The following STPG2 variants were observed in gnomAD, a reference collection of about 807,000 sequenced individuals.
STPG2 encodes the protein sperm tail PG-rich repeat containing 2.
A neutral mutation model predicts 54.2 loss-of-function variants in STPG2; 56 were observed. The ratio of observed to expected loss-of-function variants is 1.03; its 90% CI spans 0.83 to 1.29. The LOEUF (loss-of-function observed/expected upper bound fraction) is 1.29. Ranked by LOEUF, STPG2 falls within the 50% of genes most tolerant of loss-of-function variation. The pLI, the probability that STPG2 is intolerant of heterozygous loss-of-function variation, is 0.00. For synonymous variants in STPG2, 200 were observed against 181.8 expected, an observed-to-expected ratio of 1.10 and a Z score of -0.81; for missense variants, 596 against 544.9, an observed-to-expected ratio of 1.09 and a Z score of -0.93.
At chr4:97,965,578 C>T (rs1332566925) in intron 7 of STPG2, among the ~76,000 whole-genome samples, 1 of 152,212 alleles carries the variant, frequency 6.6e-6, no homozygotes, top group Non-Finnish European at 1.5e-5. Flanking sequence ...AACTAGGAGA[C>T]ACTTCCCAGA....
rs184377616 is a variant in STPG2 at position 97,989,510 on chromosome 4, T to G, written c.613-8192A>C. Among the ~76,000 whole-genome samples the G allele has an allele frequency of 4.5e-4, 68 of 152,188 alleles. No individual in the cohort carries two copies. The East Asian group carries it at 0.011, about 25-fold the overall frequency. ...GACACAGAAAGATTAATAACAATAA[T>G]TAATAAAATAGAACAATTATAATAA... is the stretch of plus-strand genomic sequence containing the variant. On this transcript the variant is annotated intron_variant, in intron 5 of 10. Transcript: ENST00000295268.
At chr4:97,946,613 C>A (rs1733234122) in intron 7 of STPG2, among the ~76,000 whole-genome samples, 1 of 152,090 alleles carries the variant, frequency 6.6e-6, no homozygotes, top group Non-Finnish European at 1.5e-5. Flanking sequence ...CTAAATGTAG[C>A]TATTCAGTTT....
At chr4:98,024,623 C>A (rs1415970493) in intron 5 of STPG2, among the ~76,000 whole-genome samples, 1 of 152,122 alleles carries the variant, frequency 6.6e-6, no homozygotes, top group African/African-American at 2.4e-5. Flanking sequence ...CAAGAATAAA[C>A]CAAAGTATCT....
At chr4:97,998,867 T>C (rs13110410) in intron 5 of STPG2, among the ~76,000 whole-genome samples, 61,759 of 151,962 alleles carry the variant, frequency 0.41, 12,763 homozygotes, top group African/African-American at 0.47. Context: ...TCCATGCACA[T>C]GTCAGTGGTT....
intron 5 of STPG2, among the ~76,000 whole-genome samples, chr4:98,038,798 G>A (rs1466020566): frequency 6.6e-6 from 1 of 151,896 alleles, no homozygotes; most frequent in East Asian, 1.9e-4. Flanking sequence ...AAAGACATTA[G>A]GACTGGTATC....
At chr4:97,874,957 C>T (rs909774265) in intron 8 of STPG2, among the ~76,000 whole-genome samples, 5 of 151,924 alleles carry the variant, frequency 3.3e-5, no homozygotes, top group African/African-American at 1.2e-4. Context: ...AAATGCCTGT[C>T]ATTTAAGCCA....
At chr4:97,924,194 G>T (rs577663156) in intron 8 of STPG2, among the ~76,000 whole-genome samples, 1 of 152,224 alleles carries the variant, frequency 6.6e-6, no homozygotes, top group Non-Finnish European at 1.5e-5. Context: ...ACATCAGAAG[G>T]AACAAACTCC....
chr4:98,096,765 C>T (rs2865977), intron 5 of STPG2, among the ~76,000 whole-genome samples: 60,166 of 151,812 alleles, frequency 0.4, 12,152 homozygotes, highest in Middle Eastern at 0.46. Context: ...TAAATAAAAT[C>T]AGAGGTAAAA....
intron 1 of STPG2, among the ~76,000 whole-genome samples, chr4:98,136,871 G>A (rs1023520274): frequency 2.0e-5 from 3 of 151,602 alleles, no homozygotes; most frequent in African/African-American, 7.2e-5. Flanking sequence ...TAGCAAATAA[G>A]CCAATAGTGG....
At chr4:97,510,953 G>A (rs1460418485) in intron 4 of STPG2, among the ~76,000 whole-genome samples, 1 of 151,862 alleles carries the variant, frequency 6.6e-6, no homozygotes, top group Non-Finnish European at 1.5e-5. Flanking sequence ...GGGCAACAGA[G>A]CAAACTCCCA....
intron 9 of STPG2, among the ~76,000 whole-genome samples, chr4:97,745,055 T>C (rs1361903606): frequency 1.3e-5 from 2 of 151,250 alleles, no homozygotes; most frequent in East Asian, 3.9e-4. Context: ...TAGTTTCTTA[T>C]AAAATTGCCT....
At chr4:97,443,541 C>G (rs1423290335) in intron 4 of STPG2, among the ~76,000 whole-genome samples, 2 of 152,064 alleles carry the variant, frequency 1.3e-5, no homozygotes, top group Non-Finnish European at 1.5e-5. Context: ...AGAAGGGACT[C>G]TAGTTAATAT....
chr4:97,884,700 G>T (rs1730499917), intron 8 of STPG2, among the ~76,000 whole-genome samples: 1 of 151,850 alleles, frequency 6.6e-6, no homozygotes, highest in African/African-American at 2.4e-5. Flanking sequence ...AAGAAAAAAA[G>T]AAGCAAAGAA....
intron 4 of STPG2, among the ~76,000 whole-genome samples, chr4:97,452,114 G>GCCCCA (rs1729386583): frequency 5.9e-5 from 1 of 17,014 alleles, no homozygotes; most frequent in Non-Finnish European, 1.0e-4. Context: ...CAGGAGCCCC[G>GCCCCA]CCCCCACCCC....
At chr4:97,489,808 G>A (rs1289280789) in intron 4 of STPG2, 1 of 151,108 alleles carries the variant, frequency 6.6e-6, no homozygotes, top group Non-Finnish European at 1.5e-5. Flanking sequence ...TCTCTACCCC[G>A]AAATGTAAGT....
chr4:97,643,202 T>G (rs901013846), intron 10 of STPG2, among the ~76,000 whole-genome samples: 2 of 151,572 alleles, frequency 1.3e-5, no homozygotes, highest in Non-Finnish European at 3.0e-5. Flanking sequence ...ATGGAAAAAT[T>G]TTTAAAAAGA....
At chr4:97,900,093 T>C (rs1731119121) in intron 8 of STPG2, among the ~76,000 whole-genome samples, 2 of 152,020 alleles carry the variant, frequency 1.3e-5, no homozygotes, top group African/African-American at 4.8e-5. Context: ...AACAACCCCA[T>C]TAAAAAGTTA....
At chr4:97,860,455 G>T (rs1729484335) in intron 8 of STPG2, among the ~76,000 whole-genome samples, 2 of 149,398 alleles carry the variant, frequency 1.3e-5, no homozygotes, top group African/African-American at 2.4e-5. Flanking sequence ...CCTTGGTCAG[G>T]TATATTCCTA....
At chr4:97,563,918 G>A (rs1041289624) in intron 10 of STPG2, among the ~76,000 whole-genome samples, 3 of 152,196 alleles carry the variant, frequency 2.0e-5, no homozygotes, top group Non-Finnish European at 2.9e-5. Context: ...CTGTTGATTT[G>A]TGGTGGAGAG....
Sources: allele counts gnomAD v4.1 joint callset (sites outside exome capture counted in the v4.1 genomes callset), GRCh38; gene constraint gnomAD v4.1.1; transcripts MANE v1.5; gene names NCBI Gene and HGNC (gene_info 2026-07-23, HGNC 2026-07-21).